Variants in KIF5C observed in about 807,000 individuals in gnomAD.
KIF5C encodes the protein kinesin heavy chain isoform 5C.
KIF5C carries 18 observed loss-of-function variants against 125.2 expected under a neutral mutation model. The observed-to-expected ratio is 0.14, with a 90% CI of 0.10 to 0.21. The LOEUF is 0.21. Ranked by LOEUF, KIF5C falls within the 10% of genes least tolerant of loss-of-function variation. KIF5C has a pLI of 1.00. For missense variants in KIF5C, 780 were observed against 1,183.8 expected, an observed-to-expected ratio of 0.66 and a Z score of 5.01; for synonymous variants, 405 against 434.0, an observed-to-expected ratio of 0.93 and a Z score of 0.83.
At chr2:148,915,469 C>G (rs1681508134) in intron 1 of KIF5C, among the ~76,000 whole-genome samples, 1 of 152,184 alleles carries the variant, frequency 6.6e-6, no homozygotes, top group South Asian at 2.1e-4. Flanking sequence ...AGCAAGCATC[C>G]TTTTATGAAG....
intron 2 of KIF5C, among the ~76,000 whole-genome samples, chr2:148,925,351 A>G (rs796468612): frequency 1.8e-4 from 28 of 152,316 alleles, no homozygotes; most frequent in African/African-American, 6.7e-4. Context: ...AAGAGTGTTA[A>G]GCTTAGGATG....
intron 3 of KIF5C, among the ~76,000 whole-genome samples, chr2:148,934,231 A>G (rs929239146): frequency 6.6e-6 from 1 of 151,346 alleles, no homozygotes; most frequent in African/African-American, 2.4e-5. Context: ...TCATACATAT[A>G]CACACAGATA....
chr2:148,971,585 G>A (rs1180342140), intron 11 of KIF5C, among the ~76,000 whole-genome samples: 1 of 152,136 alleles, frequency 6.6e-6, no homozygotes, highest in Admixed American at 6.6e-5. Flanking sequence ...TAGAAAAAAC[G>A]CTTAAGTATA....
At chr2:148,959,237 T>C (rs1429410775) in intron 10 of KIF5C, among the ~76,000 whole-genome samples, 8 of 152,188 alleles carry the variant, frequency 5.3e-5, no homozygotes, top group African/African-American at 1.4e-4. Flanking sequence ...TGCCTGTTTC[T>C]GGACAATTTA....
At chr2:149,019,129 T>G (rs1682455568) in intron 25 of KIF5C, among the ~76,000 whole-genome samples, 1 of 152,196 alleles carries the variant, frequency 6.6e-6, no homozygotes, top group South Asian at 2.1e-4. Context: ...TTCTGTCTGT[T>G]GCGGTGTGCT....
rs77337753 is a variant in KIF5C, at chr2:148,967,969, G to A, written c.1118-5367G>A. Among the ~76,000 whole-genome samples the A allele has an allele frequency of 1.0e-3, 158 of 152,234 alleles. 3 individuals carry two copies. In the East Asian group the frequency reaches 0.028, roughly 27 times the overall value. ...CTCTTGACAGGAGGATGGGGAGGGC[G>A]GGGTGAAGTCTGGATGCATGGCTTC... On this transcript the variant is annotated intron_variant, in intron 11 of 25. Transcript: ENST00000435030.
chr2:148,938,614 C>A (rs1021794764), intron 4 of KIF5C, among the ~76,000 whole-genome samples: 2 of 152,244 alleles, frequency 1.3e-5, no homozygotes, highest in South Asian at 4.1e-4. Flanking sequence ...GCCCCCCTTG[C>A]CCGATGAGCT....
At position 149,000,765 on chromosome 2, in the gene KIF5C, G is replaced by A. The variant is rs1681823318; in HGVS notation, c.2356G>A (p.Gly786Arg). 6.2e-7 allele frequency: 1 copy of A among 1,613,802 alleles called. No homozygotes were observed. Among genetic ancestry groups the A allele is most frequent in the Non-Finnish European group, 8.5e-7 (1 of 1,179,872 alleles). ...GGAACAAGCCAGAGAAGACCTCAAA[G>A]GGCTGGAGGAGACAGTGGTATGTCA... The part of the protein sequence containing the change: ...KREQAREDLK[G>R]LEETVSRELQ... The change falls in exon 21 of 26, where the codon GGG becomes AGG. Residue 786 changes from glycine (G) to arginine (R), a missense_variant. Gly to Arg is a moderately radical substitution (Grantham distance 125). Coordinates refer to ENST00000435030, the MANE Select transcript of KIF5C (RefSeq NM_004522.3).
intron 7 of KIF5C, among the ~76,000 whole-genome samples, chr2:148,946,622 G>C (rs1465927442): frequency 6.6e-6 from 1 of 152,118 alleles, no homozygotes; most frequent in East Asian, 1.9e-4. Context: ...TTAGAGGATG[G>C]GGCTTCAGGT....
At chr2:148,988,598 G>C (rs774727360) in intron 15 of KIF5C, among the ~76,000 whole-genome samples, 2 of 152,276 alleles carry the variant, frequency 1.3e-5, no homozygotes, top group Non-Finnish European at 2.9e-5. Context: ...TGGAAGAGAT[G>C]GGTTTTACTT....
intron 10 of KIF5C, among the ~76,000 whole-genome samples, chr2:148,957,766 A>G (rs889284260): frequency 6.6e-5 from 10 of 152,132 alleles, no homozygotes; most frequent in African/African-American, 2.2e-4. Flanking sequence ...ATAGTAAAAT[A>G]CATAAACTTA....
At position 148,981,266 on chromosome 2, in the gene KIF5C, G is replaced by GT. The variant is rs538814464; in HGVS notation, c.1363-84dup. The GT allele has an allele frequency of 2.5e-4, 363 of 1,447,944 alleles. 8 individuals are homozygous for GT. The South Asian group carries it at 5.2e-3, about 21-fold the overall frequency. 89.7% of individuals were successfully genotyped at this position (1,447,944 alleles called of 1,614,324 possible). A position where few individuals can be genotyped will look rare whatever the true frequency, so the allele number is the denominator to read the frequency against. On this transcript the variant is annotated intron_variant, in intron 13 of 25. Coordinates refer to ENST00000435030, the MANE Select transcript of KIF5C (RefSeq NM_004522.3). ...TTTTCAACTTGTTTTCTTATATCTG[G>GT]TTTTTAAATTACTTACTTTTGGATA... is the stretch of plus-strand genomic sequence containing the variant.
At chr2:148,980,997 A>T (rs998946677) in intron 13 of KIF5C, among the ~76,000 whole-genome samples, 8 of 152,180 alleles carry the variant, frequency 5.3e-5, no homozygotes, top group African/African-American at 1.9e-4. Context: ...GGCATGAGCC[A>T]CTGCGCCTGG....
chr2:148,988,807 A>G (rs1251486713), intron 15 of KIF5C, among the ~76,000 whole-genome samples: 1 of 152,232 alleles, frequency 6.6e-6, no homozygotes, highest in Non-Finnish European at 1.5e-5. Context: ...TGGTAGGCAG[A>G]TCTTTGGCAG....
rs1681817055 is a variant in KIF5C, at chr2:149,000,515, A to G, written c.2303A>G (p.Glu768Gly). 1 of 1,564,570 alleles carries G rather than the reference A, an allele frequency of 6.4e-7. No homozygotes were observed. Among genetic ancestry groups the G allele is most frequent in the South Asian group, 1.2e-5 (1 of 85,966 alleles). The change falls in exon 20 of 26, where the codon GAA (glutamate) becomes GGA (glycine). Residue 768 changes from glutamate to glycine, a missense_variant. Transcript: ENST00000435030. ...IEDQEREMKL[E>G]KLLLLNDKRE... ...GACCAAGAGAGAGAAATGAAGCTGG[A>G]AAAGCTCTTGTGAGTGCACTCTAAA...
intron 1 of KIF5C, among the ~76,000 whole-genome samples, chr2:148,896,822 CCT>C (rs70995344): frequency 6.3e-4 from 94 of 149,308 alleles, no homozygotes; most frequent in South Asian, 2.3e-3. Flanking sequence ...CATGATCCTT[CCT>C]CTCTCTCTCT....
chr2:148,966,534 C>T (rs1683055278), intron 11 of KIF5C, among the ~76,000 whole-genome samples: 1 of 152,070 alleles, frequency 6.6e-6, no homozygotes. Flanking sequence ...CAGGACAGGG[C>T]ATGCCCTGCC....
At chr2:149,022,645 C>T (rs7607434) in intron 25 of KIF5C, among the ~76,000 whole-genome samples, 7,678 of 151,914 alleles carry the variant, frequency 0.051, 666 homozygotes, top group African/African-American at 0.18. Context: ...GTGGCTTGGC[C>T]GGGCACGGTG....
intron 5 of KIF5C, 74 bp from the exon 6 acceptor site, chr2:148,941,861 T>C: frequency 6.4e-7 from 1 of 1,557,524 alleles, no homozygotes; most frequent in Non-Finnish European, 8.7e-7. Flanking sequence ...TGTAACAAAC[T>C]TCCATTTTTC....
Sources: allele counts gnomAD v4.1 joint callset (sites outside exome capture counted in the v4.1 genomes callset), GRCh38; gene constraint gnomAD v4.1.1; transcripts MANE v1.5; gene names NCBI Gene and HGNC (gene_info 2026-07-23, HGNC 2026-07-21).